KDM6A: variants seen among roughly 807,000 people sequenced by gnomAD.
The protein encoded by KDM6A is lysine-specific demethylase 6A.
In KDM6A, 11 loss-of-function variants were observed where a neutral mutation model predicts 117.6. The ratio of observed to expected loss-of-function variants is 0.09; its 90% CI spans 0.06 to 0.15. KDM6A has a LOEUF of 0.15. KDM6A is among the 10% of genes least tolerant of loss of function. The probability of loss-of-function intolerance (pLI) is 1.00; values close to 1 mark genes in which losing one functional copy is unlikely to be tolerated. For synonymous variants in KDM6A, 384 were observed against 396.1 expected (o/e 0.97, Z 0.36); for missense variants, 799 against 1,077.3 (o/e 0.74, Z 3.62).
chrX:45,061,850 A>G (rs2044315352), intron 15 of KDM6A, among the ~76,000 whole-genome samples: 1 of 110,549 alleles, frequency 9.0e-6, no homozygotes, highest in Admixed American at 9.6e-5. Context: ...GCACAAAAGT[A>G]AAATGAGCCT....
chrX:45,098,935 T>C (rs1233632750), intron 27 of KDM6A, among the ~76,000 whole-genome samples: 1 of 112,062 alleles, frequency 8.9e-6, no homozygotes, highest in Admixed American at 9.5e-5. Context: ...AACTTGTTTA[T>C]ACTTTTTCCT....
At chrX:44,997,048 G>T (rs2040895273) in intron 4 of KDM6A, among the ~76,000 whole-genome samples, 1 of 111,340 alleles carries the variant, frequency 9.0e-6, no homozygotes, top group Non-Finnish European at 1.9e-5. Context: ...CCCACCCCAC[G>T]GCAATGTCTG....
At chrX:44,894,160 A>G (rs1190474876) in intron 2 of KDM6A, among the ~76,000 whole-genome samples, 1 of 111,926 alleles carries the variant, frequency 8.9e-6, no homozygotes, top group Non-Finnish European at 1.9e-5. Context: ...TCTAAGTATC[A>G]TGAGAGATAC....
rs2044210205 is a variant in KDM6A at position 45,059,320 on chromosome X, G to A, written c.1048G>A (p.Gly350Ser). Residue 350 changes from glycine to serine, a missense_variant, in exon 12 of 30, where the codon GGC becomes AGC. Around this residue, in one of 8 missense-constraint regions of KDM6A, gnomAD observed 36 missense variants for 44.4 expected, o/e 0.81. Coordinates refer to ENST00000611820, the MANE Select transcript of KDM6A (RefSeq NM_001291415.2). ...TATTTGTGCTGTACAATTGGACCATGGCCATGCTGCAGCCTGGATGGACCT... is the reference window on the plus strand; with the variant it reads ...TATTTGTGCTGTACAATTGGACCATAGCCATGCTGCAGCCTGGATGGACCT... Reference protein sequence around the residue: ...AYICAVQLDHGHAAAWMDLGT... With the variant: ...AYICAVQLDHSHAAAWMDLGT... 8.3e-7 allele frequency: 1 copy of A among 1,211,077 alleles called. No homozygotes were observed. Among genetic ancestry groups the A allele is most frequent in the Non-Finnish European group, 1.1e-6 (1 of 895,210 alleles).
In KDM6A at chrX:45,058,995, TCC is replaced by T; in HGVS notation, c.876-9_876-8del. The T allele has an allele frequency of 8.5e-7, 1 of 1,172,005 alleles. No homozygotes were observed. The highest frequency in any genetic ancestry group is 1.2e-6 in the Non-Finnish European group (1 of 862,021). ...CTCTTGATTTTTTTTTTTTTTCCCT[TCC>T]CTTCTCAGGTGCTATTCAAGTATTG... is the stretch of plus-strand genomic sequence containing the variant. On this transcript the variant is annotated splice_polypyrimidine_tract_variant and intron_variant, in intron 10 of 29. Coordinates refer to ENST00000611820, the MANE Select transcript of KDM6A (RefSeq NM_001291415.2).
At chrX:45,082,332 G>T (rs753141716) in intron 21 of KDM6A, 1 of 374,966 alleles carries the variant, frequency 2.7e-6, no homozygotes, top group South Asian at 3.7e-5. Flanking sequence ...TACTGAGGAG[G>T]CTGAGGCAGG....
chrX:45,018,223 C>A (rs111956156), intron 5 of KDM6A, among the ~76,000 whole-genome samples: 1 of 110,936 alleles, frequency 9.0e-6, no homozygotes, highest in African/African-American at 3.3e-5. Context: ...GAGACTATTT[C>A]AGTAATCTAG....
At chrX:44,937,832 G>A (rs1226852518) in intron 2 of KDM6A, among the ~76,000 whole-genome samples, 2 of 112,094 alleles carry the variant, frequency 1.8e-5, no homozygotes, top group Non-Finnish European at 3.8e-5. Context: ...AGGCCTCTTA[G>A]ACCAAACAGC....
intron 2 of KDM6A, among the ~76,000 whole-genome samples, chrX:44,915,121 T>C (rs1328094177): frequency 3.6e-5 from 4 of 111,863 alleles, no homozygotes; most frequent in African/African-American, 1.3e-4. Context: ...CCATTAGTCA[T>C]CTGCTTAGTA....
chrX:45,005,030 C>G (rs948722064), intron 4 of KDM6A, among the ~76,000 whole-genome samples: 1 of 110,956 alleles, frequency 9.0e-6, no homozygotes, highest in African/African-American at 3.3e-5. Flanking sequence ...GTGGCCCCCC[C>G]CTCCTTATGG....
At chrX:45,081,544 GTATCT>G (rs2045403620) in intron 21 of KDM6A, among the ~76,000 whole-genome samples, 1 of 111,756 alleles carries the variant, frequency 8.9e-6, no homozygotes, top group South Asian at 3.7e-4. Flanking sequence ...AGAATAAAAA[GTATCT>G]TATCTTCCAC....
At chrX:44,971,171 C>T (rs567291498) in intron 3 of KDM6A, among the ~76,000 whole-genome samples, 20 of 111,561 alleles carry the variant, frequency 1.8e-4, no homozygotes, top group Middle Eastern at 4.6e-3. Context: ...ATTTGGTTTG[C>T]TTTTCTTTTT....
At chrX:45,061,906 C>CT (rs750023655) in intron 15 of KDM6A, among the ~76,000 whole-genome samples, 7,949 of 99,504 alleles carry the variant, frequency 0.08, 715 homozygotes, top group African/African-American at 0.26. Context: ...TTTTTAATTT[C>CT]TTTTTTTTTT....
intron 7 of KDM6A, among the ~76,000 whole-genome samples, chrX:45,035,994 C>T (rs976590705): frequency 2.7e-5 from 3 of 111,784 alleles, no homozygotes; most frequent in African/African-American, 9.7e-5. Context: ...CCACCGCGCC[C>T]GTCCGAAAAA....
At chrX:44,958,646 C>T (rs1456187257) in intron 2 of KDM6A, among the ~76,000 whole-genome samples, 3 of 86,058 alleles carry the variant, frequency 3.5e-5, no homozygotes, top group African/African-American at 1.4e-4. Flanking sequence ...ACACAGCCCT[C>T]AGGAGATCCT....
intron 2 of KDM6A, among the ~76,000 whole-genome samples, chrX:44,951,278 A>G (rs946703071): frequency 8.0e-5 from 9 of 111,940 alleles, no homozygotes; most frequent in South Asian, 3.7e-4. Flanking sequence ...ATTTGCCAAA[A>G]ATACTAAAGA....
chrX:45,015,674 T>C (rs1333361428), intron 5 of KDM6A, among the ~76,000 whole-genome samples: 1 of 112,012 alleles, frequency 8.9e-6, no homozygotes, highest in Non-Finnish European at 1.9e-5. Flanking sequence ...GCTATCATGA[T>C]ACAAACATAC....
At chrX:45,003,649 C>G (rs766281560) in intron 4 of KDM6A, among the ~76,000 whole-genome samples, 1 of 109,971 alleles carries the variant, frequency 9.1e-6, no homozygotes, top group South Asian at 3.9e-4. Context: ...TTTAAATTTA[C>G]CCTGGCTTTT....
intron 8 of KDM6A, among the ~76,000 whole-genome samples, chrX:45,048,825 G>A (rs1005016201): frequency 9.2e-6 from 1 of 108,210 alleles, no homozygotes; most frequent in Non-Finnish European, 1.9e-5. Flanking sequence ...TGTGTGGAAT[G>A]TCACTCCAAA....
Sources: gnomAD v4.1 joint callset for allele counts (sites outside exome capture counted in the v4.1 genomes callset) on GRCh38, gnomAD v4.1.1 for gene constraint, gnomAD v4.1.1 regional missense constraint, MANE v1.5 for transcripts, NCBI Gene and HGNC (gene_info 2026-07-23, HGNC 2026-07-21) for gene names.